The following STX19 variants were observed in gnomAD, a reference collection of about 807,000 sequenced individuals.
The protein encoded by STX19 is syntaxin-19.
STX19 carries 26 observed loss-of-function variants against 24.3 expected under a neutral mutation model. The observed-to-expected ratio is 1.07, with a 90% confidence interval of 0.78 to 1.48. STX19 has a LOEUF of 1.48. STX19 is among the 40% of genes most tolerant of loss of function. The probability of loss-of-function intolerance (pLI) is 0.00; values close to 1 mark genes in which losing one functional copy is unlikely to be tolerated. For synonymous variants in STX19, 116 were observed against 106.9 expected (o/e 1.09, Z -0.52); for missense variants, 367 against 331.9 (o/e 1.11, Z -0.82).
intron 1 of STX19, among the ~76,000 whole-genome samples, chr3:94,016,319 A>G (rs925391847): frequency 1.3e-5 from 2 of 152,138 alleles, no homozygotes. Context: ...TCTGAATGTG[A>G]TGCTGTTATG....
intron 1 of STX19, among the ~76,000 whole-genome samples, chr3:94,016,249 G>T (rs1269097006): frequency 1.3e-5 from 2 of 151,984 alleles, no homozygotes; most frequent in African/African-American, 2.4e-5. Context: ...AGGCTGTTAG[G>T]GAGTACAGAT....
intron 1 of STX19, among the ~76,000 whole-genome samples, chr3:94,018,625 A>T (rs939828231): frequency 2.0e-5 from 3 of 152,106 alleles, no homozygotes; most frequent in African/African-American, 7.2e-5. Flanking sequence ...GGTTGCTCTT[A>T]AAAAACTGCC....
intron 1 of STX19, among the ~76,000 whole-genome samples, chr3:94,018,146 C>T (rs2076371221): frequency 1.3e-5 from 2 of 152,094 alleles, no homozygotes; most frequent in Admixed American, 6.5e-5. Flanking sequence ...CATCTGTTCG[C>T]CTTGTCCTCC....
At position 94,014,449 on chromosome 3, in the gene STX19, TA is replaced by T; in HGVS notation, c.820del (p.Tyr274ThrfsTer?). On this transcript the variant is annotated frameshift_variant, in exon 2 of 2. Transcript: ENST00000315099. LOFTEE classifies it high-confidence loss of function. ...TACTCTGCAAGGATTTCTTTTTTTG[TA>T]TTTTACAGCTAGTCCAAATTTCTCT... ...TKEKFGLAVKYKKRNPCRVLC... is the reference protein window; with the variant it reads ...TKEKFGLAVKXKKRNPCRVLC... 6.3e-7 allele frequency: 1 copy of T among 1,598,200 alleles called. No individual in the cohort carries two copies. The highest frequency in any genetic ancestry group is 8.5e-7 in the Non-Finnish European group (1 of 1,175,572).
rs1360382600 is a variant in STX19, at chr3:94,015,238, C to G, written c.32G>C (p.Arg11Thr). ...TCTAGAGAGTTCAATTTCCTTTGTT[C>G]TCTGCTTTAGTTCTTGAAGTCGGTC... MKDRLQELKQ[R>T]TKEIELSRDS... The change falls in exon 2 of 2, where the codon AGA becomes ACA. Residue 11 changes from arginine (R) to threonine (T), a missense_variant. Transcript: ENST00000315099. 6.4e-7 allele frequency: 1 copy of G among 1,573,096 alleles called. No individual in the cohort carries two copies. Among genetic ancestry groups the G allele is most frequent in the Admixed American group, 2.0e-5 (1 of 50,244 alleles).
intron 1 of STX19, among the ~76,000 whole-genome samples, chr3:94,019,093 A>G (rs1294105915): frequency 2.6e-5 from 4 of 151,106 alleles, no homozygotes; most frequent in East Asian, 2.0e-4. Flanking sequence ...TTTTTTTTCT[A>G]CATTTCATAT....
Position 94,014,778 on chromosome 3 carries a change from T to C in STX19, c.492A>G (p.Thr164=). The C allele has an allele frequency of 6.2e-7, 1 of 1,613,830 alleles. No homozygotes were observed. The highest frequency in any genetic ancestry group is 8.5e-7 in the Non-Finnish European group (1 of 1,179,920). The change falls in exon 2 of 2, where the codon ACA becomes ACG. Residue 164 remains threonine (T), a synonymous_variant. Coordinates refer to ENST00000315099, the MANE Select transcript of STX19 (RefSeq NM_001001850.3). ...TIAAKQEKCK[T]FILRQLEVAG... The stretch of plus-strand genomic sequence containing the variant: ...CAACTTCAAGCTGACGTAAAATAAA[T>C]GTCTTGCACTTCTCTTGCTTTGCTG...
intron 1 of STX19, among the ~76,000 whole-genome samples, chr3:94,027,103 C>T (rs1260274918): frequency 1.3e-5 from 2 of 151,916 alleles, no homozygotes; most frequent in African/African-American, 2.4e-5. Flanking sequence ...TTCATAGTTA[C>T]TGTAATGATT....
chr3:94,015,310 C>T, intron 1 of STX19, 28 bp from the exon 2 acceptor site: 1 of 1,487,442 alleles, frequency 6.7e-7, no homozygotes, highest in Non-Finnish European at 8.9e-7. Context: ...TTGTGTTGAA[C>T]AAGTAGAAAT....
chr3:94,026,213 G>T (rs1463633963), intron 1 of STX19, among the ~76,000 whole-genome samples: 1 of 151,960 alleles, frequency 6.6e-6, no homozygotes. Flanking sequence ...TAGAGATGGG[G>T]TTTCACCGTG....
At chr3:94,018,359 T>C (rs2076376214) in intron 1 of STX19, among the ~76,000 whole-genome samples, 1 of 152,190 alleles carries the variant, frequency 6.6e-6, no homozygotes, top group Non-Finnish European at 1.5e-5. Context: ...GACTTGATGA[T>C]TTTAACCCAT....
intron 1 of STX19, among the ~76,000 whole-genome samples, chr3:94,021,301 TCTC>T (rs2076444398): frequency 6.6e-6 from 1 of 151,732 alleles, no homozygotes; most frequent in South Asian, 2.1e-4. Context: ...TCGAAGCGAT[TCTC>T]CTGCGTCAGC....
chr3:94,022,132 A>T (rs1013695863), intron 1 of STX19, among the ~76,000 whole-genome samples: 2 of 151,308 alleles, frequency 1.3e-5, no homozygotes, highest in East Asian at 3.9e-4. Context: ...ATTTTATTTT[A>T]TTTTTTTTGA....
At chr3:94,024,441 C>G (rs1223283718) in intron 1 of STX19, among the ~76,000 whole-genome samples, 1 of 152,214 alleles carries the variant, frequency 6.6e-6, no homozygotes, top group African/African-American at 2.4e-5. Context: ...GGTTCAGTAG[C>G]TTTTAACAAT....
intron 1 of STX19, 120 bp from the exon 2 acceptor site, chr3:94,015,402 G>A: frequency 4.7e-6 from 3 of 641,422 alleles, no homozygotes; most frequent in South Asian, 4.0e-5. Flanking sequence ...CTCAAATGAG[G>A]TTAAAAAGTT....
chr3:94,027,488 G>T (rs2076582060), intron 1 of STX19, among the ~76,000 whole-genome samples: 1 of 151,942 alleles, frequency 6.6e-6, no homozygotes, highest in Admixed American at 6.6e-5. Flanking sequence ...TCTGATTCAA[G>T]TAAGCTGTAC....
intron 1 of STX19, among the ~76,000 whole-genome samples, chr3:94,027,869 T>G (rs1195892888): frequency 6.6e-6 from 1 of 152,150 alleles, no homozygotes; most frequent in African/African-American, 2.4e-5. Context: ...TTTCTCATTT[T>G]TTCAATTTTA....
chr3:94,022,720 G>C (rs1331491438), intron 1 of STX19, among the ~76,000 whole-genome samples: 4 of 151,782 alleles, frequency 2.6e-5, no homozygotes, highest in African/African-American at 9.7e-5. Flanking sequence ...ACTTCTTATT[G>C]ACATATTTAT....
At chr3:94,024,165 C>T (rs558778579) in intron 1 of STX19, among the ~76,000 whole-genome samples, 5 of 152,260 alleles carry the variant, frequency 3.3e-5, no homozygotes, top group Non-Finnish European at 7.4e-5. Context: ...GAAAGGATCT[C>T]GCTCTTTTGT....
Sources: allele counts gnomAD v4.1 joint callset (sites outside exome capture counted in the v4.1 genomes callset), GRCh38; gene constraint gnomAD v4.1.1; transcripts MANE v1.5; gene names NCBI Gene and HGNC (gene_info 2026-07-23, HGNC 2026-07-21).